The following PLEKHG5 variants were observed in gnomAD, a reference collection of about 807,000 sequenced individuals.
PLEKHG5 encodes pleckstrin homology and RhoGEF domain containing G5.
Under a neutral mutation model 103.8 loss-of-function variants are expected in PLEKHG5, and 52 were observed. That is an observed-to-expected ratio of 0.50 (90% confidence interval 0.40 to 0.63). The LOEUF (loss-of-function observed/expected upper bound fraction) is 0.63, where lower values mean the gene tolerates loss of function less well. Among genes scored for constraint, PLEKHG5 ranks in the 30% least tolerant of loss-of-function variants. The pLI is 0.00. For missense variants in PLEKHG5, 1,205 were observed against 1,347.6 expected (o/e 0.89, Z 1.66); for synonymous variants, 592 against 575.5 (o/e 1.03, Z -0.41).
chr1:6,492,170 C>T (rs1014777798), upstream of PLEKHG5, among the ~76,000 whole-genome samples: 5 of 152,164 alleles, frequency 3.3e-5, no homozygotes, highest in African/African-American at 4.8e-5. Context: ...CTGTGCCAGG[C>T]GCTAAGGCAG....
chr1:6,506,834 C>T (rs1638338859), intron 1 of PLEKHG5, among the ~76,000 whole-genome samples: 1 of 152,224 alleles, frequency 6.6e-6, no homozygotes, highest in Admixed American at 6.5e-5. Flanking sequence ...TCTGGGCTCC[C>T]TTTCGGGGCT....
chr1:6,511,987 C>T (rs528233923), intron 1 of PLEKHG5, among the ~76,000 whole-genome samples: 2 of 152,350 alleles, frequency 1.3e-5, no homozygotes, highest in East Asian at 1.9e-4. Flanking sequence ...CCCTGGCTGT[C>T]CTTACAGCAG....
Position 6,467,393 on chromosome 1 carries a change from T to C in PLEKHG5, c.*170A>G, listed in dbSNP as rs961905331. 2.0e-4 allele frequency: 160 copies of C among 789,596 alleles called. No individual in the cohort carries two copies. Among genetic ancestry groups the C allele is most frequent in the Non-Finnish European group, 3.1e-4 (138 of 444,394 alleles). 48.9% of individuals were successfully genotyped at this position (789,596 alleles called of 1,614,324 possible). ...GTACTGTGGCCTGGGCCTCCTCCAC[T>C]CCATCCAGTCCGGCAAAGCGCAAAT... On this transcript the variant is annotated 3_prime_UTR_variant, in exon 21 of 21. Transcript: ENST00000377728.
rs1242558833 is a variant in PLEKHG5, at chr1:6,483,676, T to A, written c.-87-6018A>T. Among the ~76,000 whole-genome samples, 6 of 152,130 alleles carry A rather than the reference T, an allele frequency of 3.9e-5. No individual in the cohort carries two copies. The South Asian group carries it at 6.2e-4, about 16-fold the overall frequency. On this transcript the variant is annotated intron_variant, in intron 1 of 20. Transcript: ENST00000377728. ...TGAGACCCCGTCTCAGAAAAAAATT[T>A]AAAAACTACAGAGACCACTAAGCTG...
intron 1 of PLEKHG5, among the ~76,000 whole-genome samples, chr1:6,518,191 C>T (rs1638679273): frequency 6.6e-6 from 1 of 151,942 alleles, no homozygotes; most frequent in Non-Finnish European, 1.5e-5. Flanking sequence ...CTCAGCCTCC[C>T]AAAGTGCTGG....
At chr1:6,512,002 A>G (rs540414265) in intron 1 of PLEKHG5, among the ~76,000 whole-genome samples, 1 of 152,336 alleles carries the variant, frequency 6.6e-6, no homozygotes, top group East Asian at 1.9e-4. Context: ...CAGCAGGGAC[A>G]CTAACATCTG....
chr1:6,497,129 GGGGA>G, upstream of PLEKHG5: 5 of 1,182,614 alleles, frequency 4.2e-6, no homozygotes, highest in Non-Finnish European at 6.0e-6. The surrounding 1 kb of genome is among the most constrained non-coding windows in gnomAD (Gnocchi z 6.1). Context: ...CGAGAGGCGG[GGGGA>G]GGGAGGAGAA....
chr1:6,490,534 A>C lies in PLEKHG5; in HGVS notation c.-88+1103T>G, dbSNP rs1645131094. The C allele has an allele frequency of 2.0e-6, 2 of 985,094 alleles. 1 individual carries two copies. The highest frequency in any genetic ancestry group is 9.4e-5 in the South Asian group (2 of 21,278). The allele number at this position is 985,094 out of a possible 1,614,324, so 61.0% of individuals were successfully genotyped here. The stretch of plus-strand genomic sequence containing the variant: ...AAAGCCTCATGGGGCGCGCGGGGAG[A>C]GGGGGACGGGAGCCGCGGGACGGGC... On this transcript the variant is annotated intron_variant, in intron 1 of 20. Coordinates refer to ENST00000377728, the MANE Select transcript of PLEKHG5 (RefSeq NM_020631.6). This position sits in a 1 kb window ranked among gnomAD's most constrained non-coding sequence, Gnocchi z 8.0.
At chr1:6,518,616 A>T (rs1225972017) in intron 1 of PLEKHG5, among the ~76,000 whole-genome samples, 1 of 151,994 alleles carries the variant, frequency 6.6e-6, no homozygotes, top group Non-Finnish European at 1.5e-5. Context: ...GTGCAGGAGG[A>T]ATTTCCTGGC....
At position 6,471,041 on chromosome 1, in the gene PLEKHG5, C is replaced by A; in HGVS notation, c.1341G>T (p.Glu447Asp). The A allele has an allele frequency of 6.2e-7, 1 of 1,606,132 alleles. No individual in the cohort carries two copies. Among genetic ancestry groups the A allele is most frequent in the Non-Finnish European group, 8.5e-7 (1 of 1,176,782 alleles). The change falls in exon 13 of 21, where the codon GAG (glutamate) becomes GAT (aspartate). Residue 447 changes from glutamate to aspartate, a missense_variant. By Grantham distance (45) the Glu-to-Asp change is conservative (BLOSUM62 2). Transcript: ENST00000377728. ...TGTCGCGCAGCAGGCCGCGCATGTA[C>A]TCCATGCAGCCCTCCTCCTCCATGC... ...RYCMEEEGCM[E>D]YMRGLLRDND... is the part of the protein sequence containing the mutation.
intron 13 of PLEKHG5, 41 bp from the exon 14 acceptor site, chr1:6,470,925 C>G: frequency 6.5e-7 from 1 of 1,547,506 alleles, no homozygotes; most frequent in Non-Finnish European, 8.7e-7. Flanking sequence ...GCAGGCCCCG[C>G]CCCACCCGGC....
At chr1:6,473,888 A>C (rs1236123384) in intron 7 of PLEKHG5, 125 bp downstream of exon 7, 4 of 959,420 alleles carry the variant, frequency 4.2e-6, no homozygotes, top group Non-Finnish European at 6.2e-6. Context: ...CATTTTCCAG[A>C]AGGGACAATT....
At chr1:6,504,236 G>A (rs1301914095) in intron 1 of PLEKHG5, among the ~76,000 whole-genome samples, 2 of 152,148 alleles carry the variant, frequency 1.3e-5, no homozygotes, top group Non-Finnish European at 2.9e-5. Flanking sequence ...CCGGCTGAGG[G>A]TGGAGGGGAG....
intron 1 of PLEKHG5, among the ~76,000 whole-genome samples, chr1:6,512,142 G>A (rs1174567866): frequency 7.2e-5 from 11 of 152,196 alleles, no homozygotes; most frequent in African/African-American, 1.2e-4. Flanking sequence ...GCGGAGGCTC[G>A]GGACGCCTGG....
chr1:6,472,053 G>T (rs561744214), intron 10 of PLEKHG5, among the ~76,000 whole-genome samples: 1 of 152,218 alleles, frequency 6.6e-6, no homozygotes, highest in African/African-American at 2.4e-5. Flanking sequence ...AGGGAAGCTC[G>T]GGGGAGACTG....
chr1:6,509,902 C>A (rs1311997305), intron 1 of PLEKHG5, among the ~76,000 whole-genome samples: 1 of 152,168 alleles, frequency 6.6e-6, no homozygotes, highest in African/African-American at 2.4e-5. Context: ...GGTGGGGAGT[C>A]CCTGTACCCA....
At chr1:6,516,850 G>A (rs1638633593) in intron 1 of PLEKHG5, among the ~76,000 whole-genome samples, 1 of 116,866 alleles carries the variant, frequency 8.6e-6, no homozygotes, top group Non-Finnish European at 1.7e-5. Context: ...ATATATATAT[G>A]TGTGTGTATA....
At chr1:6,496,808 A>T (rs985712101), upstream of PLEKHG5, 2 of 556,552 alleles carry the variant, frequency 3.6e-6, no homozygotes, top group Non-Finnish European at 6.1e-6. Flanking sequence ...ACATCTTTGG[A>T]AATACGCTGC....
At chr1:6,475,562 T>G (rs1569887028) in intron 3 of PLEKHG5, 40 bp from the exon 4 acceptor site, 7 of 1,580,440 alleles carry the variant, frequency 4.4e-6, no homozygotes, top group Non-Finnish European at 6.1e-6. Context: ...GAGGTGTGGG[T>G]GGCCCTCGCC....
Sources: allele counts gnomAD v4.1 joint callset (sites outside exome capture counted in the v4.1 genomes callset), GRCh38; gene constraint gnomAD v4.1.1; non-coding constraint Gnocchi (gnomAD v3.1); transcripts MANE v1.5; gene names NCBI Gene and HGNC (gene_info 2026-07-23, HGNC 2026-07-21).